NCOR2: variants seen among roughly 807,000 people sequenced by gnomAD.
NCOR2 encodes CTG repeat protein 26.
Under a neutral mutation model 262.9 loss-of-function variants are expected in NCOR2, and 81 were observed. The observed-to-expected ratio is 0.31, with a 90% CI of 0.26 to 0.37. The LOEUF (loss-of-function observed/expected upper bound fraction) is 0.37. NCOR2 is among the 10% of genes least tolerant of loss of function. The pLI, the probability that NCOR2 is intolerant of heterozygous loss-of-function variation, is 1.00. For missense variants in NCOR2, 3,385 were observed against 3,621.4 expected, an observed-to-expected ratio of 0.93 and a Z score of 1.68; for synonymous variants, 1,659 against 1,559.3, an observed-to-expected ratio of 1.06 and a Z score of -1.51.
chr12:124,333,895 T>TGC (rs879770164), intron 41 of NCOR2, among the ~76,000 whole-genome samples: 1 of 62,498 alleles, frequency 1.6e-5, no homozygotes, highest in African/African-American at 4.4e-5. Flanking sequence ...CATGTGTGTG[T>TGC]GCGCGCGCAT....
intron 1 of NCOR2, among the ~76,000 whole-genome samples, chr12:124,527,631 T>A (rs111985903): frequency 0.063 from 9,553 of 152,222 alleles, 998 homozygotes; most frequent in African/African-American, 0.22. Flanking sequence ...TTGGCCAGGC[T>A]GGTCTCGAAC....
At chr12:124,334,553 G>T in exon 41 of NCOR2, 1 of 1,416,654 alleles carries the variant, frequency 7.1e-7, no homozygotes. Context: ...GGAGTAGAGG[G>T]GGGCGGGCAG....
At chr12:124,426,484 A>T in intron 11 of NCOR2, 138 bp downstream of exon 13, 1 of 830,064 alleles carries the variant, frequency 1.2e-6, no homozygotes, top group Non-Finnish European at 1.7e-6. Context: ...CGGCCTCCAC[A>T]ACCAGGAGAG....
At chr12:124,365,538 C>T (rs964723141) in intron 20 of NCOR2, among the ~76,000 whole-genome samples, 1 of 152,222 alleles carries the variant, frequency 6.6e-6, no homozygotes, top group Non-Finnish European at 1.5e-5. Flanking sequence ...ATGTGACCGG[C>T]CTGTTCTGCA....
At chr12:124,459,503 C>T (rs774214975) in intron 5 of NCOR2, among the ~76,000 whole-genome samples, 3 of 152,148 alleles carry the variant, frequency 2.0e-5, no homozygotes, top group African/African-American at 7.2e-5. Flanking sequence ...TCTCAACACA[C>T]CTGCCCAACA....
chr12:124,429,522 C>A (rs2136344264), intron 10 of NCOR2, 91 bp downstream of exon 12: 1 of 1,394,102 alleles, frequency 7.2e-7, no homozygotes. Flanking sequence ...ACGTAAACCA[C>A]CCGGGAGGTG....
At chr12:124,346,986 G>C in intron 30 of NCOR2, 136 bp from the exon 33 acceptor site, 2 of 1,073,806 alleles carry the variant, frequency 1.9e-6, no homozygotes, top group East Asian at 6.0e-5. Flanking sequence ...CAGGAAATCT[G>C]ACCTCTCTGG....
At chr12:124,533,176 A>T (rs1409138916) in intron 1 of NCOR2, among the ~76,000 whole-genome samples, 1 of 151,178 alleles carries the variant, frequency 6.6e-6, no homozygotes, top group East Asian at 2.0e-4. Flanking sequence ...CCCAGGAAGC[A>T]GATGACCTGC....
At chr12:124,386,963 T>C (rs1319527477) in intron 16 of NCOR2, among the ~76,000 whole-genome samples, 1 of 152,100 alleles carries the variant, frequency 6.6e-6, no homozygotes, top group Non-Finnish European at 1.5e-5. Flanking sequence ...GACCTAGGGG[T>C]CTGTGCGGCA....
Position 124,458,169 on chromosome 12 carries a change from T to G in NCOR2, c.706-1007A>C, listed in dbSNP as rs545479941. Among the ~76,000 whole-genome samples the G allele has an allele frequency of 4.5e-3, 692 of 152,300 alleles. 8 individuals carry two copies. The highest frequency in any genetic ancestry group is 0.016 in the African/African-American group (648 of 41,556). ...GCCGCAGAAGTCACCATCACCATACTGAAACTGTCCCCAGTGACCCCAAAC... is the reference window on the plus strand; with the variant it reads ...GCCGCAGAAGTCACCATCACCATACGGAAACTGTCCCCAGTGACCCCAAAC... On this transcript the variant is annotated intron_variant, in intron 5 of 46. Transcript: ENST00000405201.
chr12:124,515,171 A>G (rs1413293666), intron 1 of NCOR2, among the ~76,000 whole-genome samples: 2 of 152,156 alleles, frequency 1.3e-5, no homozygotes, highest in East Asian at 3.9e-4. Context: ...GACCAAGCTC[A>G]GTTACAGGCC....
At chr12:124,336,170 C>G (rs2035866296) in intron 38 of NCOR2, 1 of 160,474 alleles carries the variant, frequency 6.2e-6, no homozygotes, top group Admixed American at 5.9e-5. Context: ...GATGCAAGAG[C>G]CAGACCCAGC....
At chr12:124,390,752 A>G (rs1876382) in intron 16 of NCOR2, among the ~76,000 whole-genome samples, 35,471 of 152,286 alleles carry the variant, frequency 0.23, 4,749 homozygotes, top group Non-Finnish European at 0.28. Context: ...ACTCTGTGCC[A>G]GGGCGGAGAT....
chr12:124,408,463 A>G (rs374874454), intron 13 of NCOR2, among the ~76,000 whole-genome samples: 180 of 152,326 alleles, frequency 1.2e-3, no homozygotes, highest in African/African-American at 3.9e-3. Context: ...TAAAGAAATT[A>G]TGGCCTGGCA....
chr12:124,335,406 T>C (rs1039871375), intron 39 of NCOR2, 77 bp downstream of exon 41: 4 of 1,534,610 alleles, frequency 2.6e-6, no homozygotes, highest in Non-Finnish European at 3.5e-6. Flanking sequence ...CACCTCTGTT[T>C]TCCTATCTGC....
At chr12:124,347,754 C>T (rs2037062142) in intron 30 of NCOR2, 71 bp downstream of exon 32, 1 of 1,473,688 alleles carries the variant, frequency 6.8e-7, no homozygotes, top group South Asian at 1.2e-5. Flanking sequence ...CTGGCTGTGT[C>T]TCTCCCTCCC....
intron 16 of NCOR2, among the ~76,000 whole-genome samples, chr12:124,395,767 T>G (rs201543862): frequency 0.03 from 4,512 of 151,954 alleles, 116 homozygotes; most frequent in South Asian, 0.11. Context: ...GGAGAGGCGG[T>G]GGGACCCTGG....
In NCOR2 at chr12:124,463,195, G is replaced by A. The variant is rs564309867; in HGVS notation, c.705+2978C>T. Among the ~76,000 whole-genome samples, 4 of 152,332 alleles carry A rather than the reference G, an allele frequency of 2.6e-5. No individual in the cohort carries two copies. The South Asian group carries it at 8.3e-4, about 32-fold the overall frequency. On this transcript the variant is annotated intron_variant, in intron 5 of 46. Transcript: ENST00000405201. ...TGTATGTTTTATCCAGATTCCAAGT[G>A]CGTGCCTTGTCCCGGAACCAACAGG... is the stretch of plus-strand genomic sequence containing the variant.
At chr12:124,476,109 G>C (rs1189093630) in intron 3 of NCOR2, among the ~76,000 whole-genome samples, 1 of 152,202 alleles carries the variant, frequency 6.6e-6, no homozygotes, top group Non-Finnish European at 1.5e-5. Flanking sequence ...CAGGCAGGGG[G>C]CCATGGGCAT....
Sources: allele counts gnomAD v4.1 joint callset (sites outside exome capture counted in the v4.1 genomes callset), GRCh38; gene constraint gnomAD v4.1.1; transcripts MANE v1.5; gene names NCBI Gene and HGNC (gene_info 2026-07-23, HGNC 2026-07-21).